The following TBPL1 variants were observed in gnomAD, a reference collection of about 807,000 sequenced individuals.
TBPL1 encodes TATA box-binding protein-like 1.
In TBPL1, 4 loss-of-function variants were observed where a neutral mutation model predicts 22.1. That is an observed-to-expected ratio of 0.18 (90% CI 0.09 to 0.41). TBPL1 has a LOEUF of 0.41. Ranked by LOEUF, TBPL1 falls within the 10% of genes least tolerant of loss-of-function variation. TBPL1 has a pLI of 1.00. For missense variants in TBPL1, 115 were observed against 222.3 expected (o/e 0.52, Z 3.07); for synonymous variants, 64 against 71.0 (o/e 0.90, Z 0.50).
At chr6:133,966,072 G>A (rs1164286019) in intron 1 of TBPL1, among the ~76,000 whole-genome samples, 1 of 152,042 alleles carries the variant, frequency 6.6e-6, no homozygotes, top group Non-Finnish European at 1.5e-5. Context: ...CAGAGACAGA[G>A]AGAGACAGAA....
chr6:133,953,941 T>TTTA (rs1221164630), intron 1 of TBPL1, among the ~76,000 whole-genome samples: 1 of 152,150 alleles, frequency 6.6e-6, no homozygotes. Context: ...CTCGCTTTAT[T>TTTA]TTATTATTAT....
chr6:133,961,665 C>T (rs116153673), intron 1 of TBPL1, among the ~76,000 whole-genome samples: 6,863 of 151,934 alleles, frequency 0.045, 151 homozygotes, highest in Admixed American at 0.066. Flanking sequence ...GGGGTTTCAC[C>T]ATGTTAATCG....
At chr6:133,959,483 C>A (rs1775984348) in intron 1 of TBPL1, among the ~76,000 whole-genome samples, 1 of 151,894 alleles carries the variant, frequency 6.6e-6, no homozygotes, top group East Asian at 1.9e-4. Flanking sequence ...TTCTTTCTTT[C>A]TTTTTGTTTT....
chr6:133,957,105 A>AG (rs541868008), intron 1 of TBPL1, among the ~76,000 whole-genome samples: 221 of 152,324 alleles, frequency 1.5e-3, no homozygotes, highest in South Asian at 2.3e-3. Context: ...GATAAAATAG[A>AG]GAATTTGGTT....
intron 1 of TBPL1, among the ~76,000 whole-genome samples, chr6:133,977,660 A>G (rs1776337746): frequency 6.6e-6 from 1 of 152,244 alleles, no homozygotes; most frequent in African/African-American, 2.4e-5. Flanking sequence ...TGCAACAGTT[A>G]GGATTAGGTT....
intron 1 of TBPL1, among the ~76,000 whole-genome samples, chr6:133,957,860 G>A (rs902338514): frequency 6.6e-6 from 1 of 152,220 alleles, no homozygotes; most frequent in African/African-American, 2.4e-5. Context: ...AAAAGTATTA[G>A]CAGGTGCTAG....
intron 1 of TBPL1, among the ~76,000 whole-genome samples, chr6:133,978,988 AAG>A (rs903772336): frequency 2.2e-4 from 33 of 152,204 alleles, no homozygotes; most frequent in African/African-American, 6.3e-4. Context: ...TGAAAATGCA[AAG>A]AGAGAATTTT....
Position 133,965,504 on chromosome 6 carries a change from T to C in TBPL1, c.-45+12079T>C, listed in dbSNP as rs149301422. Among the ~76,000 whole-genome samples, 1,282 of 152,286 alleles carry C rather than the reference T, an allele frequency of 8.4e-3. 37 individuals are homozygous for C. The highest frequency in any genetic ancestry group is 0.062 in the Admixed American group (949 of 15,298). ...TTGGTCAGTCTTTTCCTGTTTCATT[T>C]GCCACCTTCCCTGTCCCCACTCCCC... is the stretch of plus-strand genomic sequence containing the variant. On this transcript the variant is annotated intron_variant, in intron 1 of 6. Coordinates refer to ENST00000237264, the MANE Select transcript of TBPL1 (RefSeq NM_004865.4).
intron 1 of TBPL1, among the ~76,000 whole-genome samples, chr6:133,964,089 T>G (rs1776076238): frequency 1.3e-5 from 2 of 152,150 alleles, no homozygotes; most frequent in Non-Finnish European, 2.9e-5. Context: ...ATCACTCTTG[T>G]GTGTTCTGTG....
At chr6:133,962,493 C>T (rs886748294) in intron 1 of TBPL1, among the ~76,000 whole-genome samples, 3 of 152,086 alleles carry the variant, frequency 2.0e-5, no homozygotes, top group Admixed American at 6.5e-5. Flanking sequence ...TTGAAGTGAG[C>T]GAGTGTTAAT....
chr6:133,959,617 G>C (rs2114324690), intron 1 of TBPL1, among the ~76,000 whole-genome samples: 1 of 152,164 alleles, frequency 6.6e-6, no homozygotes, highest in East Asian at 1.9e-4. Flanking sequence ...GAGTAACTGG[G>C]ATTACAGGCA....
At chr6:133,960,516 A>G (rs1014065816) in intron 1 of TBPL1, among the ~76,000 whole-genome samples, 2 of 151,826 alleles carry the variant, frequency 1.3e-5, no homozygotes. Flanking sequence ...GTACAAAACA[A>G]CTTGGATAAT....
At chr6:133,962,153 G>A (rs887383387) in intron 1 of TBPL1, among the ~76,000 whole-genome samples, 1 of 152,136 alleles carries the variant, frequency 6.6e-6, no homozygotes, top group African/African-American at 2.4e-5. Flanking sequence ...GTTGGAAGTG[G>A]AAGATTAGGT....
intron 1 of TBPL1, among the ~76,000 whole-genome samples, chr6:133,958,457 A>C (rs1337589782): frequency 6.6e-6 from 1 of 152,206 alleles, no homozygotes; most frequent in African/African-American, 2.4e-5. Context: ...CAGGTGGCTC[A>C]AGAATGACTT....
intron 1 of TBPL1, among the ~76,000 whole-genome samples, chr6:133,962,029 C>T (rs959734593): frequency 3.9e-5 from 6 of 151,966 alleles, no homozygotes; most frequent in South Asian, 2.1e-4. Flanking sequence ...TGCAATTATG[C>T]GTAAAAGTTT....
At chr6:133,975,353 AAC>A (rs1476188370) in intron 1 of TBPL1, among the ~76,000 whole-genome samples, 2 of 152,020 alleles carry the variant, frequency 1.3e-5, no homozygotes, top group African/African-American at 4.8e-5. Flanking sequence ...ACTTGAAGAA[AAC>A]AGAGACATGA....
At position 133,956,420 on chromosome 6, in the gene TBPL1, CAT is replaced by C. The variant is rs149885048; in HGVS notation, c.-45+2996_-45+2997del. ...GCACTTGTAGGTAGCAGAGAAATGA[CAT>C]GTGTGTAATAAAACATGACAGACAC... is the stretch of plus-strand genomic sequence containing the variant. On this transcript the variant is annotated intron_variant, in intron 1 of 6. Transcript: ENST00000237264. 1.3e-3 allele frequency among the ~76,000 whole-genome samples: 198 copies of C among 152,240 alleles called. 3 individuals carry two copies. In the East Asian group the frequency reaches 0.035, roughly 27 times the overall value.
intron 1 of TBPL1, among the ~76,000 whole-genome samples, chr6:133,974,169 C>G (rs1210981532): frequency 6.6e-6 from 1 of 152,166 alleles, no homozygotes; most frequent in East Asian, 1.9e-4. Context: ...TTATGGACCT[C>G]TGTCTACATC....
chr6:133,970,533 C>CT (rs1340382111), intron 1 of TBPL1, among the ~76,000 whole-genome samples: 12 of 152,038 alleles, frequency 7.9e-5, no homozygotes, highest in African/African-American at 2.4e-4. Flanking sequence ...ATTATGGAAA[C>CT]TTTTAGGCAG....
Sources: allele counts gnomAD v4.1 joint callset (sites outside exome capture counted in the v4.1 genomes callset), GRCh38; gene constraint gnomAD v4.1.1; transcripts MANE v1.5; gene names NCBI Gene and HGNC (gene_info 2026-07-23, HGNC 2026-07-21).